TENM4: variants seen among roughly 807,000 people sequenced by gnomAD.
TENM4 encodes teneurin-4.
In TENM4, 82 loss-of-function variants were observed where a neutral mutation model predicts 243.3. The ratio of observed to expected loss-of-function variants is 0.34; its 90% confidence interval spans 0.28 to 0.40. The LOEUF is 0.40. Among genes scored for constraint, TENM4 ranks in the 10% least tolerant of loss-of-function variants. The pLI is 1.00. For missense variants in TENM4, 3,138 were observed against 3,673.3 expected, an observed-to-expected ratio of 0.85 and a Z score of 3.77; for synonymous variants, 1,412 against 1,456.3, an observed-to-expected ratio of 0.97 and a Z score of 0.69.
chr11:79,104,391 C>A (rs528651858), intron 4 of TENM4, among the ~76,000 whole-genome samples: 1 of 152,340 alleles, frequency 6.6e-6, no homozygotes, highest in East Asian at 1.9e-4. Flanking sequence ...AGCTATCCTT[C>A]TAGACATTTT....
intron 12 of TENM4, among the ~76,000 whole-genome samples, chr11:78,836,249 C>A (rs1858111542): frequency 6.6e-6 from 1 of 152,172 alleles, no homozygotes; most frequent in African/African-American, 2.4e-5. Context: ...ACTCAGGAGG[C>A]TGGGGCAGGA....
chr11:79,137,940 A>C (rs892537423), intron 4 of TENM4, among the ~76,000 whole-genome samples: 1 of 152,018 alleles, frequency 6.6e-6, no homozygotes, highest in Admixed American at 6.6e-5. Context: ...GTTAATACTG[A>C]GTGTCAACTT....
At chr11:79,145,709 A>T (rs2135043471) in intron 4 of TENM4, among the ~76,000 whole-genome samples, 1 of 152,128 alleles carries the variant, frequency 6.6e-6, no homozygotes, top group African/African-American at 2.4e-5. Context: ...ATTGCCAAAC[A>T]GTTTTCCAGT....
intron 3 of TENM4, among the ~76,000 whole-genome samples, chr11:79,164,350 G>GTATATAGAT (rs1862853740): frequency 6.9e-5 from 4 of 58,356 alleles, no homozygotes; most frequent in Non-Finnish European, 1.7e-4. Flanking sequence ...ATACTATATA[G>GTATATAGAT]ATACTATATA....
At chr11:79,300,503 G>A (rs1212153715) in intron 1 of TENM4, among the ~76,000 whole-genome samples, 1 of 151,970 alleles carries the variant, frequency 6.6e-6, no homozygotes, top group Non-Finnish European at 1.5e-5. Context: ...ATACTGTATT[G>A]CTTAACATTT....
chr11:79,315,277 C>T (rs1010277923), intron 1 of TENM4, among the ~76,000 whole-genome samples: 4 of 152,208 alleles, frequency 2.6e-5, no homozygotes, highest in South Asian at 4.1e-4. Flanking sequence ...CTCCCTGGAT[C>T]CTGTACCTGT....
Position 78,973,329 on chromosome 11 carries a change from T to G in TENM4, c.494-69806A>C, listed in dbSNP as rs542033170. Among the ~76,000 whole-genome samples, 3 of 152,380 alleles carry G rather than the reference T, an allele frequency of 2.0e-5. No homozygotes were observed. The East Asian group carries it at 5.8e-4, about 29-fold the overall frequency. On this transcript the variant is annotated intron_variant, in intron 6 of 33. Transcript: ENST00000278550. The stretch of plus-strand genomic sequence containing the variant: ...GGGTGCCAATTTCTCCACATCCTTG[T>G]CAACACTTGTTATTATCTGACTTTT...
chr11:79,035,216 G>C (rs1479892022), intron 6 of TENM4, among the ~76,000 whole-genome samples: 1 of 152,224 alleles, frequency 6.6e-6, no homozygotes, highest in Non-Finnish European at 1.5e-5. Flanking sequence ...AGCCTCTGCT[G>C]CTCGGCTGTG....
intron 6 of TENM4, among the ~76,000 whole-genome samples, chr11:78,938,244 C>T (rs987466006): frequency 2.6e-5 from 4 of 152,222 alleles, no homozygotes; most frequent in African/African-American, 9.7e-5. Context: ...TGGCACCCTG[C>T]CATTCACCCT....
At chr11:79,016,740 T>C (rs1858784363) in intron 6 of TENM4, among the ~76,000 whole-genome samples, 1 of 152,174 alleles carries the variant, frequency 6.6e-6, no homozygotes, top group Non-Finnish European at 1.5e-5. Flanking sequence ...GTTAATAGCA[T>C]GTGTGTGAGG....
intron 19 of TENM4, among the ~76,000 whole-genome samples, chr11:78,744,199 C>T (rs1227864216): frequency 5.3e-5 from 8 of 152,216 alleles, no homozygotes; most frequent in Admixed American, 5.2e-4. Context: ...CACAGCCTGA[C>T]ATTGTCCTCT....
chr11:78,825,906 G>A (rs1338152996), intron 12 of TENM4, among the ~76,000 whole-genome samples: 1 of 152,046 alleles, frequency 6.6e-6, no homozygotes, highest in Non-Finnish European at 1.5e-5. Flanking sequence ...TCCATCTAAT[G>A]AGCATCACTT....
intron 15 of TENM4, among the ~76,000 whole-genome samples, chr11:78,788,614 G>A (rs1856988072): frequency 6.6e-6 from 1 of 152,246 alleles, no homozygotes; most frequent in Admixed American, 6.5e-5. Context: ...ACCTAACTGG[G>A]CTCTGGCGAG....
intron 2 of TENM4, among the ~76,000 whole-genome samples, chr11:79,231,831 G>T (rs1305051575): frequency 6.6e-6 from 1 of 152,160 alleles, no homozygotes; most frequent in Non-Finnish European, 1.5e-5. Flanking sequence ...CATAATCCCA[G>T]CACTTTGGGA....
chr11:78,831,683 A>G (rs1857985745), intron 12 of TENM4, among the ~76,000 whole-genome samples: 1 of 152,234 alleles, frequency 6.6e-6, no homozygotes, highest in Non-Finnish European at 1.5e-5. Flanking sequence ...CTGAAGCTGC[A>G]AAGGGCGTCA....
chr11:78,701,394 T>G, intron 28 of TENM4, 132 bp downstream of exon 28: 1 of 1,208,964 alleles, frequency 8.3e-7, no homozygotes, highest in Non-Finnish European at 1.1e-6. Flanking sequence ...AATATGAACA[T>G]GTAGAATGTA....
At chr11:79,303,959 G>A (rs988287148) in intron 1 of TENM4, among the ~76,000 whole-genome samples, 5 of 152,106 alleles carry the variant, frequency 3.3e-5, no homozygotes, top group East Asian at 1.9e-4. Flanking sequence ...AGGAAACCAG[G>A]GCAGAAGCCC....
At chr11:78,875,204 T>C (rs2136250790) in intron 9 of TENM4, among the ~76,000 whole-genome samples, 1 of 152,314 alleles carries the variant, frequency 6.6e-6, no homozygotes, top group Non-Finnish European at 1.5e-5. Context: ...TCATTTTTCC[T>C]TCATAAGAAG....
At chr11:79,111,092 A>G (rs9667334) in intron 4 of TENM4, among the ~76,000 whole-genome samples, 41,913 of 152,046 alleles carry the variant, frequency 0.28, 6,660 homozygotes, top group African/African-American at 0.44. Flanking sequence ...TACTGTTCTC[A>G]TGGCAGTGAG....
Sources: gnomAD v4.1 joint callset for allele counts (sites outside exome capture counted in the v4.1 genomes callset) on GRCh38, gnomAD v4.1.1 for gene constraint, MANE v1.5 for transcripts, NCBI Gene and HGNC (gene_info 2026-07-23, HGNC 2026-07-21) for gene names.